The following EFCAB8 variants were observed in gnomAD, a reference collection of about 807,000 sequenced individuals.
EFCAB8 encodes the protein EF-hand calcium-binding domain-containing protein 8.
Under a neutral mutation model 116.3 loss-of-function variants are expected in EFCAB8, and 100 were observed. The observed-to-expected ratio is 0.86, with a 90% CI of 0.73 to 1.02. The LOEUF (loss-of-function observed/expected upper bound fraction) is 1.02, where lower values mean the gene tolerates loss of function less well. EFCAB8 is among the 50% of genes least tolerant of loss of function. The probability of loss-of-function intolerance (pLI) is 0.00; values close to 1 mark genes in which losing one functional copy is unlikely to be tolerated. For synonymous variants in EFCAB8, 558 were observed against 567.9 expected (o/e 0.98, Z 0.25); for missense variants, 1,320 against 1,416.9 (o/e 0.93, Z 1.10).
intron 22 of EFCAB8, among the ~76,000 whole-genome samples, chr20:32,932,886 G>A (rs890398356): frequency 6.6e-6 from 1 of 152,178 alleles, no homozygotes; most frequent in Non-Finnish European, 1.5e-5. Flanking sequence ...ATCTCTACAT[G>A]AGTATGTTAT....
intron 16 of EFCAB8, 108 bp downstream of exon 16, chr20:32,911,815 C>A: frequency 8.8e-7 from 1 of 1,131,274 alleles, no homozygotes; most frequent in South Asian, 1.4e-5. Flanking sequence ...AAAGGGTGTT[C>A]ATCATAGTCA....
chr20:32,927,856 T>C (rs1310303937), intron 20 of EFCAB8, among the ~76,000 whole-genome samples: 1 of 152,196 alleles, frequency 6.6e-6, no homozygotes, highest in Non-Finnish European at 1.5e-5. Context: ...ACACATAACA[T>C]AAAATTTACC....
At chr20:32,916,078 C>G (rs944685865) in intron 17 of EFCAB8, among the ~76,000 whole-genome samples, 1 of 152,164 alleles carries the variant, frequency 6.6e-6, no homozygotes, top group Non-Finnish European at 1.5e-5. Flanking sequence ...GCTGTTATAA[C>G]AGAATACCAT....
intron 26 of EFCAB8, among the ~76,000 whole-genome samples, chr20:32,960,698 G>T (rs1989119125): frequency 6.6e-6 from 1 of 152,198 alleles, no homozygotes; most frequent in Admixed American, 6.5e-5. Flanking sequence ...TATTGTGGGA[G>T]CTCCCTCCTC....
chr20:32,935,109 T>G (rs1014716096), intron 22 of EFCAB8, among the ~76,000 whole-genome samples: 1 of 151,856 alleles, frequency 6.6e-6, no homozygotes, highest in African/African-American at 2.4e-5. Flanking sequence ...CTGTTGGCCA[T>G]TTGAATGTCT....
chr20:32,927,351 T>A (rs1987712050), intron 20 of EFCAB8, among the ~76,000 whole-genome samples: 1 of 152,110 alleles, frequency 6.6e-6, no homozygotes, highest in South Asian at 2.1e-4. Context: ...TTATTTAATT[T>A]AAAATTTTTT....
At chr20:32,926,012 G>C (rs1987655521) in intron 20 of EFCAB8, among the ~76,000 whole-genome samples, 1 of 152,238 alleles carries the variant, frequency 6.6e-6, no homozygotes, top group Admixed American at 6.5e-5. Flanking sequence ...TTCTGACTGT[G>C]CTTTTCTCAC....
intron 20 of EFCAB8, among the ~76,000 whole-genome samples, chr20:32,927,217 T>G (rs940483046): frequency 1.3e-5 from 2 of 152,216 alleles, no homozygotes; most frequent in Non-Finnish European, 2.9e-5. Flanking sequence ...AACTTACCAG[T>G]TCTTTCCTAG....
At chr20:32,875,875 G>C in intron 3 of EFCAB8, 51 bp from the exon 4 acceptor site, 1 of 1,507,050 alleles carries the variant, frequency 6.6e-7, no homozygotes, top group East Asian at 2.5e-5. Flanking sequence ...GCAGTGATGG[G>C]CCGAGGGACT....
intron 13 of EFCAB8, among the ~76,000 whole-genome samples, chr20:32,907,600 A>C (rs1986736858): frequency 6.6e-6 from 1 of 152,014 alleles, no homozygotes; most frequent in South Asian, 2.1e-4. Context: ...GGAGATGGAG[A>C]ATTGTCAGGG....
chr20:32,921,305 A>AC (rs1211115097), intron 20 of EFCAB8, among the ~76,000 whole-genome samples: 5 of 150,548 alleles, frequency 3.3e-5, no homozygotes, highest in Non-Finnish European at 7.4e-5. Context: ...GGACCCTCCC[A>AC]CCTCAGCCTT....
At chr20:32,891,576 A>C (rs1410472364) in intron 7 of EFCAB8, among the ~76,000 whole-genome samples, 1 of 152,210 alleles carries the variant, frequency 6.6e-6, no homozygotes, top group Non-Finnish European at 1.5e-5. Flanking sequence ...AGCAGCTGTC[A>C]TCTGCTCGGA....
chr20:32,956,421 T>C (rs1988965515), intron 23 of EFCAB8, among the ~76,000 whole-genome samples: 2 of 152,166 alleles, frequency 1.3e-5, no homozygotes, highest in South Asian at 2.1e-4. Flanking sequence ...CTATTTCTTA[T>C]AGTGTTATCT....
intron 23 of EFCAB8, among the ~76,000 whole-genome samples, chr20:32,944,455 ACT>A (rs1988517954): frequency 6.6e-6 from 1 of 151,856 alleles, no homozygotes; most frequent in Non-Finnish European, 1.5e-5. Context: ...ACAGAGTGAG[ACT>A]CTGTCTAAAA....
intron 18 of EFCAB8, 108 bp downstream of exon 18, chr20:32,917,613 G>T (rs1271325649): frequency 7.7e-7 from 1 of 1,295,120 alleles, no homozygotes; most frequent in Non-Finnish European, 1.1e-6. Context: ...AGGGATGATG[G>T]CGACTTGTTC....
chr20:32,893,433 G>T (rs767843379), intron 9 of EFCAB8, 135 bp downstream of exon 9: 7 of 1,318,396 alleles, frequency 5.3e-6, no homozygotes, highest in Admixed American at 2.4e-5. Context: ...GCTTCCAAGC[G>T]CAGGGTGCAT....
At chr20:32,928,514 C>G (rs35201561) in intron 20 of EFCAB8, among the ~76,000 whole-genome samples, 22,101 of 152,176 alleles carry the variant, frequency 0.15, 2,030 homozygotes, top group Admixed American at 0.23. Flanking sequence ...GGATTACAGG[C>G]ATGAGCCACC....
rs1428707774 is a variant in EFCAB8 at position 32,931,177 on chromosome 20, G to C, written c.2632-1G>C. The stretch of plus-strand genomic sequence containing the variant: ...GCCACTAACCCACACTTTATGTCTA[G>C]ATCTGGGACATCAAGGATTACTGCG... On this transcript the variant is annotated splice_acceptor_variant, in intron 21 of 26. Transcript: ENST00000400522. LOFTEE classifies it high-confidence loss of function. 5 of 1,538,730 alleles carry C rather than the reference G, an allele frequency of 3.2e-6. No homozygotes were observed. The African/African-American group carries it at 4.1e-5, about 13-fold the overall frequency.
intron 20 of EFCAB8, among the ~76,000 whole-genome samples, chr20:32,928,720 C>T (rs1320095285): frequency 6.6e-6 from 1 of 151,874 alleles, no homozygotes; most frequent in Non-Finnish European, 1.5e-5. Context: ...TTGCCTAATC[C>T]CTCTGGCAGA....
Sources: allele counts gnomAD v4.1 joint callset (sites outside exome capture counted in the v4.1 genomes callset), GRCh38; gene constraint gnomAD v4.1.1; transcripts MANE v1.5; gene names NCBI Gene and HGNC (gene_info 2026-07-23, HGNC 2026-07-21).